Variants in MARCHF5 observed in about 807,000 individuals in gnomAD.
MARCHF5 encodes the protein E3 ubiquitin-protein ligase MARCHF5.
In MARCHF5, 5 loss-of-function variants were observed where a neutral mutation model predicts 36.5. That is an observed-to-expected ratio of 0.14 (90% CI 0.07 to 0.29). The LOEUF (loss-of-function observed/expected upper bound fraction) is 0.29. Among genes scored for constraint, MARCHF5 ranks in the 10% least tolerant of loss-of-function variants. The probability of loss-of-function intolerance (pLI) is 1.00; values close to 1 mark genes in which losing one functional copy is unlikely to be tolerated. For synonymous variants in MARCHF5, 103 were observed against 109.9 expected, an observed-to-expected ratio of 0.94 and a Z score of 0.39; for missense variants, 179 against 336.3, an observed-to-expected ratio of 0.53 and a Z score of 3.66.
chr10:92,331,322 CCTT>C (rs1473461180), intron 2 of MARCHF5, among the ~76,000 whole-genome samples: 2 of 151,790 alleles, frequency 1.3e-5, no homozygotes, highest in Non-Finnish European at 2.9e-5. Flanking sequence ...TTGGAATTGG[CCTT>C]CTTTTCACAT....
At chr10:92,294,243 A>G (rs748450556) in intron 1 of MARCHF5, among the ~76,000 whole-genome samples, 3 of 152,210 alleles carry the variant, frequency 2.0e-5, no homozygotes, top group Admixed American at 1.3e-4. Context: ...GAATTTTGCC[A>G]CTTACTAGCT....
At chr10:92,347,222 G>A (rs988625775) in intron 3 of MARCHF5, among the ~76,000 whole-genome samples, 1 of 151,924 alleles carries the variant, frequency 6.6e-6, no homozygotes, top group African/African-American at 2.4e-5. Context: ...GGTGGGTCAC[G>A]CCTATAATCC....
chr10:92,315,466 T>C (rs1843198997), intron 2 of MARCHF5, among the ~76,000 whole-genome samples: 1 of 152,256 alleles, frequency 6.6e-6, no homozygotes, highest in East Asian at 1.9e-4. Context: ...GATCTTTTAA[T>C]GACAGAATTC....
At chr10:92,300,803 T>C (rs949754756) in intron 1 of MARCHF5, among the ~76,000 whole-genome samples, 9 of 152,166 alleles carry the variant, frequency 5.9e-5, no homozygotes, top group Non-Finnish European at 1.2e-4. Flanking sequence ...CTGCCTTGTT[T>C]ATAATGCTCT....
At chr10:92,325,648 A>G (rs1316867522) in intron 2 of MARCHF5, among the ~76,000 whole-genome samples, 4 of 152,018 alleles carry the variant, frequency 2.6e-5, no homozygotes, top group African/African-American at 9.7e-5. Flanking sequence ...TTAGTTTTCA[A>G]GTTAAATTTT....
rs192744345 is a variant in MARCHF5 at position 92,291,480 on chromosome 10, C to T, written c.-15C>T. The stretch of plus-strand genomic sequence containing the variant: ...GGTCCACTGGGGAAGGCCGTGTGCG[C>T]CGGCTCCGCGGAAGATGCCGGACCA... On this transcript the variant is annotated 5_prime_UTR_variant, in exon 1 of 6. Transcript: ENST00000358935. The T allele has an allele frequency of 5.2e-6, 8 of 1,547,392 alleles. No homozygotes were observed. Among genetic ancestry groups the T allele is most frequent in the Middle Eastern group, 1.7e-4 (1 of 5,778 alleles).
chr10:92,314,597 A>G (rs7094433), intron 2 of MARCHF5, among the ~76,000 whole-genome samples: 100,503 of 151,796 alleles, frequency 0.66, 34,664 homozygotes, highest in African/African-American at 0.85. Context: ...AGCCAAGCTC[A>G]CACCATTGCA....
intron 2 of MARCHF5, among the ~76,000 whole-genome samples, chr10:92,336,573 TAGAGCA>T (rs1263782979): frequency 6.6e-6 from 1 of 151,706 alleles, no homozygotes; most frequent in East Asian, 1.9e-4. Flanking sequence ...AAAAGAAAAA[TAGAGCA>T]AGGTAATCAA....
intron 5 of MARCHF5, 24 bp downstream of exon 5, chr10:92,349,861 A>G (rs780938441): frequency 3.2e-6 from 5 of 1,579,388 alleles, no homozygotes; most frequent in South Asian, 1.1e-5. Flanking sequence ...AACATTACTT[A>G]TATTACCTTG....
chr10:92,298,500 A>T (rs1391873273), intron 1 of MARCHF5, among the ~76,000 whole-genome samples: 1 of 152,210 alleles, frequency 6.6e-6, no homozygotes, highest in South Asian at 2.1e-4. Flanking sequence ...TAAGCTACTT[A>T]TCTTGACTTC....
intron 2 of MARCHF5, among the ~76,000 whole-genome samples, chr10:92,332,900 C>A (rs1266949841): frequency 6.6e-6 from 1 of 151,826 alleles, no homozygotes; most frequent in Non-Finnish European, 1.5e-5. Context: ...TGCGGTGGCT[C>A]ACGCCTGTAA....
At position 92,312,251 on chromosome 10, in the gene MARCHF5, A is replaced by T. The variant is rs1203902800; in HGVS notation, c.238+914A>T. On this transcript the variant is annotated intron_variant, in intron 2 of 5. Coordinates refer to ENST00000358935, the MANE Select transcript of MARCHF5 (RefSeq NM_017824.5). ...GACCAATGTTTTTGAAAATGTGGCA[A>T]CATAAATGCAGATAATGAAGTGCTT... Among the ~76,000 whole-genome samples, 3 of 152,366 alleles carry T rather than the reference A, an allele frequency of 2.0e-5. No homozygotes were observed. In the East Asian group the frequency reaches 5.8e-4, roughly 29 times the overall value.
chr10:92,342,165 C>T (rs553894779), intron 3 of MARCHF5, among the ~76,000 whole-genome samples: 7 of 150,514 alleles, frequency 4.7e-5, no homozygotes, highest in African/African-American at 1.5e-4. Flanking sequence ...AACCGCCCCC[C>T]GACAAAACAA....
At chr10:92,313,221 C>T (rs1033389881) in intron 2 of MARCHF5, among the ~76,000 whole-genome samples, 2 of 150,356 alleles carry the variant, frequency 1.3e-5, no homozygotes, top group South Asian at 2.1e-4. Context: ...GCGACAGAGC[C>T]GAGACTCCAT....
At chr10:92,305,385 C>A (rs2135181574) in intron 1 of MARCHF5, among the ~76,000 whole-genome samples, 1 of 150,264 alleles carries the variant, frequency 6.7e-6, no homozygotes, top group East Asian at 2.0e-4. Context: ...CCAGCCTGGA[C>A]AACAGAGCGA....
chr10:92,332,936 G>A lies in MARCHF5; in HGVS notation c.239-7737G>A, dbSNP rs183501834. On this transcript the variant is annotated intron_variant, in intron 2 of 5. Coordinates refer to ENST00000358935, the MANE Select transcript of MARCHF5 (RefSeq NM_017824.5). Reference sequence around the variant, plus strand: ...TCCCAGCACTTTGGGAGGGCAAGGCGGGCGGATTACCTGAGGTCAGGAGTT... The same window carrying A: ...TCCCAGCACTTTGGGAGGGCAAGGCAGGCGGATTACCTGAGGTCAGGAGTT... Among the ~76,000 whole-genome samples, 1,386 of 152,004 alleles carry A rather than the reference G, an allele frequency of 9.1e-3. 11 individuals carry two copies. The highest frequency in any genetic ancestry group is 0.032 in the African/African-American group (1,323 of 41,508).
intron 2 of MARCHF5, among the ~76,000 whole-genome samples, chr10:92,325,495 T>C (rs1470858724): frequency 1.3e-5 from 2 of 152,228 alleles, no homozygotes; most frequent in Non-Finnish European, 2.9e-5. Context: ...ATATTTATAA[T>C]TGTTACGTCG....
intron 2 of MARCHF5, among the ~76,000 whole-genome samples, chr10:92,313,528 C>A (rs989564206): frequency 1.3e-5 from 2 of 151,854 alleles, no homozygotes; most frequent in Non-Finnish European, 2.9e-5. Flanking sequence ...TGGCGTAAAC[C>A]CGGGAGGCAG....
At chr10:92,316,406 T>C (rs536286723) in intron 2 of MARCHF5, among the ~76,000 whole-genome samples, 1 of 152,232 alleles carries the variant, frequency 6.6e-6, no homozygotes, top group South Asian at 2.1e-4. Flanking sequence ...TTTTTTCTGG[T>C]GAGCCAAGCC....
Sources: allele counts gnomAD v4.1 joint callset (sites outside exome capture counted in the v4.1 genomes callset), GRCh38; gene constraint gnomAD v4.1.1; transcripts MANE v1.5; gene names NCBI Gene and HGNC (gene_info 2026-07-23, HGNC 2026-07-21).